The following CDH18 variants were observed in gnomAD, a reference collection of about 807,000 sequenced individuals.
CDH18 encodes the protein cadherin-18.
In CDH18, 31 loss-of-function variants were observed where a neutral mutation model predicts 67.9. The observed-to-expected ratio is 0.46, with a 90% CI of 0.34 to 0.62. The LOEUF is 0.62. Among genes scored for constraint, CDH18 ranks in the 20% least tolerant of loss-of-function variants. The pLI is 0.01. For synonymous variants in CDH18, 362 were observed against 347.2 expected, an observed-to-expected ratio of 1.04 and a Z score of -0.48; for missense variants, 890 against 975.5, an observed-to-expected ratio of 0.91 and a Z score of 1.17.
chr5:19,915,824 G>C (rs1791711751), intron 2 of CDH18, among the ~76,000 whole-genome samples: 1 of 151,712 alleles, frequency 6.6e-6, no homozygotes, highest in East Asian at 1.9e-4. Context: ...GTTTATTAAA[G>C]GAGGCAATGC....
At chr5:19,736,013 G>A (rs1440925644) in intron 4 of CDH18, among the ~76,000 whole-genome samples, 1 of 152,084 alleles carries the variant, frequency 6.6e-6, no homozygotes, top group Non-Finnish European at 1.5e-5. Context: ...AGAAATAATT[G>A]GATGAGACAT....
intron 2 of CDH18, among the ~76,000 whole-genome samples, chr5:20,058,393 T>C (rs1029154059): frequency 5.3e-5 from 8 of 152,158 alleles, no homozygotes; most frequent in Non-Finnish European, 1.0e-4. Flanking sequence ...GTTAATTTAT[T>C]TGGACCACAA....
chr5:19,921,335 T>A (rs1052529800), intron 2 of CDH18, among the ~76,000 whole-genome samples: 34 of 152,130 alleles, frequency 2.2e-4, no homozygotes, highest in African/African-American at 8.2e-4. Context: ...ATTGCGACTA[T>A]CCTGGCTAAC....
chr5:20,088,296 T>A (rs1466803027), intron 2 of CDH18, among the ~76,000 whole-genome samples: 2 of 152,224 alleles, frequency 1.3e-5, no homozygotes, highest in Non-Finnish European at 2.9e-5. Flanking sequence ...ATATTTGACT[T>A]CCTAGTATCC....
At position 20,174,389 on chromosome 5, in the gene CDH18, T is replaced by G. The variant is rs561197376; in HGVS notation, c.-518+81055A>C. ...CTCAATTCAGCGTAATACGTGTTATTGAGCAACTGCTGTATGCTAGGTACT... is the reference window on the plus strand; with the variant it reads ...CTCAATTCAGCGTAATACGTGTTATGGAGCAACTGCTGTATGCTAGGTACT... On this transcript the variant is annotated intron_variant, in intron 2 of 14. Transcript: ENST00000507958. Among the ~76,000 whole-genome samples the G allele has an allele frequency of 3.9e-5, 6 of 152,300 alleles. No individual in the cohort carries two copies. In the South Asian group the frequency reaches 1.0e-3, roughly 26 times the overall value.
chr5:19,811,335 A>G (rs778286509), intron 3 of CDH18, among the ~76,000 whole-genome samples: 2 of 152,174 alleles, frequency 1.3e-5, no homozygotes, highest in African/African-American at 4.8e-5. Flanking sequence ...AGGTAGGGTC[A>G]TTAAGGCAGT....
chr5:20,450,979 C>T (rs1455956035), intron 1 of CDH18, among the ~76,000 whole-genome samples: 3 of 152,150 alleles, frequency 2.0e-5, no homozygotes, highest in African/African-American at 7.2e-5. Context: ...TTGAGACTTA[C>T]TCACTATCAT....
intron 2 of CDH18, among the ~76,000 whole-genome samples, chr5:20,206,399 C>T (rs1739892605): frequency 6.6e-6 from 1 of 151,576 alleles, no homozygotes; most frequent in Non-Finnish European, 1.5e-5. Flanking sequence ...CGAACTCTAC[C>T]AAACATTTAA....
At chr5:19,669,695 T>C (rs972953774) in intron 5 of CDH18, among the ~76,000 whole-genome samples, 5 of 152,256 alleles carry the variant, frequency 3.3e-5, no homozygotes, top group African/African-American at 1.2e-4. Flanking sequence ...TATCTGTTTA[T>C]CCATTAGACA....
chr5:19,965,098 G>A (rs959385251), intron 2 of CDH18, among the ~76,000 whole-genome samples: 1 of 152,040 alleles, frequency 6.6e-6, no homozygotes, highest in African/African-American at 2.4e-5. Flanking sequence ...ATCTATGAGT[G>A]GGGGGATTGC....
intron 2 of CDH18, among the ~76,000 whole-genome samples, chr5:20,238,009 T>C (rs2126532655): frequency 6.6e-6 from 1 of 152,126 alleles, no homozygotes; most frequent in South Asian, 2.1e-4. Flanking sequence ...CAATTATATA[T>C]GGGAAATTGA....
chr5:20,545,082 T>A (rs1757267394), intron 1 of CDH18, among the ~76,000 whole-genome samples: 1 of 152,318 alleles, frequency 6.6e-6, no homozygotes, highest in African/African-American at 2.4e-5. Flanking sequence ...AGTCATTAAA[T>A]CTTAAAGTTC....
At chr5:19,920,376 T>A (rs1003095258) in intron 2 of CDH18, among the ~76,000 whole-genome samples, 1 of 152,120 alleles carries the variant, frequency 6.6e-6, no homozygotes, top group Admixed American at 6.5e-5. Flanking sequence ...AGACAACAGT[T>A]TTGGCCCAAG....
intron 10 of CDH18, among the ~76,000 whole-genome samples, chr5:19,512,488 T>C (rs1446145162): frequency 6.6e-6 from 1 of 152,144 alleles, no homozygotes; most frequent in Non-Finnish European, 1.5e-5. Context: ...GAGACAGTAG[T>C]TGAGTGCTAA....
intron 10 of CDH18, 29 bp downstream of exon 10, chr5:19,520,628 A>G: frequency 6.3e-7 from 1 of 1,592,402 alleles, no homozygotes; most frequent in Non-Finnish European, 8.5e-7. Context: ...ATTCCATTCA[A>G]ATGAGGAGGA....
At chr5:20,285,412 T>TC (rs368424803) in intron 1 of CDH18, among the ~76,000 whole-genome samples, 1 of 96,606 alleles carries the variant, frequency 1.0e-5, no homozygotes, top group Non-Finnish European at 2.6e-5. Flanking sequence ...TATAATATAA[T>TC]ATAATATAAT....
At chr5:19,647,815 AGAG>A (rs1432032717) in intron 5 of CDH18, among the ~76,000 whole-genome samples, 1 of 152,116 alleles carries the variant, frequency 6.6e-6, no homozygotes, top group Non-Finnish European at 1.5e-5. Flanking sequence ...AAGGTGGAAT[AGAG>A]GAGGTGTCCA....
At chr5:19,980,100 T>G (rs564139379) in intron 2 of CDH18, among the ~76,000 whole-genome samples, 2 of 152,194 alleles carry the variant, frequency 1.3e-5, no homozygotes, top group East Asian at 3.9e-4. Flanking sequence ...ATAATATAAT[T>G]CAGAAAAGTT....
intron 2 of CDH18, among the ~76,000 whole-genome samples, chr5:20,228,356 T>G (rs1741801798): frequency 6.6e-6 from 1 of 152,088 alleles, no homozygotes; most frequent in African/African-American, 2.4e-5. Flanking sequence ...AAATTACAGG[T>G]AAAATTGTAT....
Sources: gnomAD v4.1 joint callset for allele counts (sites outside exome capture counted in the v4.1 genomes callset) on GRCh38, gnomAD v4.1.1 for gene constraint, MANE v1.5 for transcripts, NCBI Gene and HGNC (gene_info 2026-07-23, HGNC 2026-07-21) for gene names.